VAV2: variants seen among roughly 807,000 people sequenced by gnomAD.
VAV2 encodes the protein guanine nucleotide exchange factor VAV2.
A neutral mutation model predicts 132.5 loss-of-function variants in VAV2; 67 were observed. The ratio of observed to expected loss-of-function variants is 0.51; its 90% CI spans 0.42 to 0.62. VAV2 has a LOEUF of 0.62. Among genes scored for constraint, VAV2 ranks in the 20% least tolerant of loss-of-function variants. The pLI is 0.00. For missense variants in VAV2, 938 were observed against 1,153.6 expected, an observed-to-expected ratio of 0.81 and a Z score of 2.71; for synonymous variants, 492 against 443.5, an observed-to-expected ratio of 1.11 and a Z score of -1.37.
At chr9:133,882,992 C>A (rs913771524) in intron 2 of VAV2, among the ~76,000 whole-genome samples, 1 of 152,152 alleles carries the variant, frequency 6.6e-6, no homozygotes, top group African/African-American at 2.4e-5. Context: ...GCCTCTGGCA[C>A]CCTGGGTTCG....
chr9:133,903,206 G>A (rs903280317), intron 2 of VAV2, among the ~76,000 whole-genome samples: 2 of 151,670 alleles, frequency 1.3e-5, no homozygotes, highest in Non-Finnish European at 2.9e-5. Context: ...GTCTCCCTGT[G>A]CCCCAGAAGG....
intron 9 of VAV2, among the ~76,000 whole-genome samples, chr9:133,805,220 C>A (rs1835086081): frequency 2.0e-5 from 3 of 152,132 alleles, no homozygotes; most frequent in Admixed American, 2.0e-4. Flanking sequence ...GTAAGATGCA[C>A]CTGTGGGGTC....
chr9:133,816,778 G>C (rs1333954099), intron 4 of VAV2, among the ~76,000 whole-genome samples: 3 of 152,168 alleles, frequency 2.0e-5, no homozygotes, highest in African/African-American at 7.2e-5. Flanking sequence ...TGGATTGCTT[G>C]GATCTCTGTC....
At chr9:133,874,963 C>T (rs935752174) in intron 2 of VAV2, among the ~76,000 whole-genome samples, 9 of 152,260 alleles carry the variant, frequency 5.9e-5, no homozygotes, top group East Asian at 3.9e-4. Flanking sequence ...ACAGAGAAGA[C>T]GGGTCTAGAA....
chr9:133,797,590 A>C (rs1308565509), intron 10 of VAV2, 120 bp downstream of exon 10: 2 of 847,384 alleles, frequency 2.4e-6, no homozygotes, highest in Non-Finnish European at 3.6e-6. Context: ...CCATTACGTC[A>C]TCACCCCCAT....
In VAV2 at chr9:133,781,677, C is replaced by A. The variant is rs571284322; in HGVS notation, c.1724-967G>T. Reference sequence around the variant, plus strand: ...CAAAGGAGCACTTTCCAGAGCCAAACCCCAGAGCAAAGGTAGAAGCCTGGA... The same window carrying A: ...CAAAGGAGCACTTTCCAGAGCCAAAACCCAGAGCAAAGGTAGAAGCCTGGA... On this transcript the variant is annotated intron_variant, in intron 19 of 29. Transcript: ENST00000371850. Among the ~76,000 whole-genome samples the A allele has an allele frequency of 8.5e-5, 13 of 152,336 alleles. No individual in the cohort carries two copies. The East Asian group carries it at 2.3e-3, about 27-fold the overall frequency.
intron 2 of VAV2, among the ~76,000 whole-genome samples, chr9:133,892,507 A>G (rs2519773): frequency 0.99 from 150,804 of 152,104 alleles, 74,774 homozygotes; most frequent in East Asian, 1. Flanking sequence ...CTTGGCCAAG[A>G]TCATCCCAGG....
At chr9:133,940,647 C>T (rs1841104540) in intron 1 of VAV2, among the ~76,000 whole-genome samples, 2 of 148,440 alleles carry the variant, frequency 1.3e-5, no homozygotes, top group South Asian at 4.4e-4. Context: ...TCTGTTTTAT[C>T]CTAGAGTCCC....
chr9:133,920,665 C>T (rs1013902650), intron 2 of VAV2, among the ~76,000 whole-genome samples: 2 of 152,166 alleles, frequency 1.3e-5, no homozygotes, highest in Non-Finnish European at 2.9e-5. Flanking sequence ...CCCTAGGCCC[C>T]GTCACACAGA....
chr9:133,922,527 G>T (rs1158957298), intron 2 of VAV2, among the ~76,000 whole-genome samples: 1 of 152,180 alleles, frequency 6.6e-6, no homozygotes, highest in African/African-American at 2.4e-5. Context: ...TGTATATTAT[G>T]AACCAAACAC....
At chr9:133,858,254 C>G (rs541708772) in intron 3 of VAV2, among the ~76,000 whole-genome samples, 89 of 152,320 alleles carry the variant, frequency 5.8e-4, no homozygotes, top group African/African-American at 1.9e-3. Context: ...ATCAGTGTGG[C>G]CTCTGCAGGC....
chr9:133,772,518 C>A (rs930249731), intron 25 of VAV2, among the ~76,000 whole-genome samples: 1 of 152,150 alleles, frequency 6.6e-6, no homozygotes, highest in Non-Finnish European at 1.5e-5. Context: ...GCTGCCCCTG[C>A]CAGACACTAA....
At chr9:133,766,914 C>T (rs1588148837) in intron 29 of VAV2, among the ~76,000 whole-genome samples, 1 of 149,576 alleles carries the variant, frequency 6.7e-6, no homozygotes, top group South Asian at 2.1e-4. Context: ...AAGGTCCTTC[C>T]TTGCATTGTC....
chr9:133,918,586 T>G lies in VAV2; in HGVS notation c.321+20517A>C, dbSNP rs1413846251. On this transcript the variant is annotated intron_variant, in intron 2 of 29. Transcript: ENST00000371850. This position sits in a 1 kb window ranked among gnomAD's most constrained non-coding sequence, Gnocchi z 4.7. The stretch of plus-strand genomic sequence containing the variant: ...CCTCACAACTCCACGTGGCTGATAC[T>G]GTTATGTCCATTTCGTGGGTAAGAA... Among the ~76,000 whole-genome samples, 1 of 152,112 alleles carries G rather than the reference T, an allele frequency of 6.6e-6. No homozygotes were observed. The highest frequency in any genetic ancestry group is 1.5e-5 in the Non-Finnish European group (1 of 68,016).
In VAV2 at chr9:133,884,514, GC is replaced by G. The variant is rs1246138544; in HGVS notation, c.322-23083del. Among the ~76,000 whole-genome samples, 6 of 152,130 alleles carry G rather than the reference GC, an allele frequency of 3.9e-5. No individual in the cohort carries two copies. The highest frequency in any genetic ancestry group is 1.4e-4 in the African/African-American group (6 of 41,412). ...GGGACTCCGCAAGCACTCAACAGATGCTGGCCCACCCAGGCCAGCCTCTCCA... is the reference window on the plus strand; with the variant it reads ...GGGACTCCGCAAGCACTCAACAGATGTGGCCCACCCAGGCCAGCCTCTCCA... On this transcript the variant is annotated intron_variant, in intron 2 of 29. Coordinates refer to ENST00000371850, the MANE Select transcript of VAV2 (RefSeq NM_001134398.2). This position sits in a 1 kb window ranked among gnomAD's most constrained non-coding sequence, Gnocchi z 5.3.
chr9:133,832,032 C>T (rs2095205448), intron 4 of VAV2, among the ~76,000 whole-genome samples: 1 of 152,236 alleles, frequency 6.6e-6, no homozygotes. Flanking sequence ...CTCGTAAGCA[C>T]CGCCCACTGT....
chr9:133,820,751 G>A (rs1350926660), intron 4 of VAV2, among the ~76,000 whole-genome samples: 1 of 152,228 alleles, frequency 6.6e-6, no homozygotes, highest in Non-Finnish European at 1.5e-5. Context: ...CCACTGGGAG[G>A]AAGAGGGAAC....
chr9:133,898,583 G>C (rs1483643838), intron 2 of VAV2, among the ~76,000 whole-genome samples: 2 of 152,082 alleles, frequency 1.3e-5, no homozygotes, highest in African/African-American at 2.4e-5. Context: ...GACACAGCGA[G>C]ACTCTGCCTC....
At chr9:133,822,654 G>A (rs116055025) in intron 4 of VAV2, among the ~76,000 whole-genome samples, 1 of 152,306 alleles carries the variant, frequency 6.6e-6, no homozygotes, top group African/African-American at 2.4e-5. Context: ...AAGCCACATA[G>A]GCGGGTACCT....
Sources: allele counts gnomAD v4.1 joint callset (sites outside exome capture counted in the v4.1 genomes callset), GRCh38; gene constraint gnomAD v4.1.1; non-coding constraint Gnocchi (gnomAD v3.1); transcripts MANE v1.5; gene names NCBI Gene and HGNC (gene_info 2026-07-23, HGNC 2026-07-21).